ADGB: variants seen among roughly 807,000 people sequenced by gnomAD.
ADGB encodes androglobin, also known as calpain-7-like protein.
A neutral mutation model predicts 210.5 loss-of-function variants in ADGB; 172 were observed. The observed-to-expected ratio is 0.82, with a 90% CI of 0.72 to 0.93. The LOEUF is 0.93. ADGB is among the 40% of genes least tolerant of loss of function. The probability of loss-of-function intolerance (pLI) is 0.00; values close to 1 mark genes in which losing one functional copy is unlikely to be tolerated. For synonymous variants in ADGB, 658 were observed against 662.7 expected (o/e 0.99, Z 0.11); for missense variants, 2,025 against 1,964.8 (o/e 1.03, Z -0.58).
chr6:146,679,934 A>C (rs1224076286), intron 9 of ADGB, among the ~76,000 whole-genome samples: 3 of 152,180 alleles, frequency 2.0e-5, no homozygotes, highest in African/African-American at 7.2e-5. Flanking sequence ...CTATAGGGTA[A>C]GTTAGAATTT....
intron 10 of ADGB, among the ~76,000 whole-genome samples, chr6:146,689,643 A>G (rs1290678000): frequency 6.6e-6 from 1 of 152,182 alleles, no homozygotes. Context: ...CTAGTAAAGT[A>G]TCTGGAACTT....
At chr6:146,650,531 C>T (rs1173387560) in intron 3 of ADGB, among the ~76,000 whole-genome samples, 3 of 121,364 alleles carry the variant, frequency 2.5e-5, no homozygotes, top group Non-Finnish European at 4.9e-5. Context: ...AAATAATTCA[C>T]ATGTTTTTTT....
intron 2 of ADGB, among the ~76,000 whole-genome samples, chr6:146,637,715 G>A (rs1403985214): frequency 6.6e-6 from 1 of 151,922 alleles, no homozygotes; most frequent in Non-Finnish European, 1.5e-5. Flanking sequence ...CTCCTTTCTG[G>A]AATAAGACAT....
intron 1 of ADGB, among the ~76,000 whole-genome samples, chr6:146,630,669 A>T (rs1041950521): frequency 1.3e-5 from 2 of 152,202 alleles, no homozygotes; most frequent in African/African-American, 4.8e-5. Flanking sequence ...AAAAATTGGA[A>T]TCTTTTGTTT....
chr6:146,657,866 T>C (rs1164997174), intron 5 of ADGB, among the ~76,000 whole-genome samples: 1 of 152,190 alleles, frequency 6.6e-6, no homozygotes, highest in East Asian at 1.9e-4. Context: ...AATAGAATAG[T>C]AGGAAGTACA....
At chr6:146,688,181 A>C (rs1776258084) in intron 10 of ADGB, among the ~76,000 whole-genome samples, 1 of 152,120 alleles carries the variant, frequency 6.6e-6, no homozygotes, top group Non-Finnish European at 1.5e-5. Context: ...AGTGAACTGC[A>C]ATAATACAAT....
intron 3 of ADGB, among the ~76,000 whole-genome samples, chr6:146,650,693 T>C (rs1282901314): frequency 6.6e-6 from 1 of 150,950 alleles, no homozygotes; most frequent in Non-Finnish European, 1.5e-5. Context: ...GAAGCCTGTT[T>C]TGCTGAATTC....
chr6:146,664,153 A>C, intron 5 of ADGB, 48 bp from the exon 6 acceptor site: 1 of 1,474,584 alleles, frequency 6.8e-7, no homozygotes, highest in East Asian at 2.5e-5. Flanking sequence ...ACGAGAGAAA[A>C]GACTGTAAGC....
intron 1 of ADGB, among the ~76,000 whole-genome samples, chr6:146,608,889 C>T (rs1006129434): frequency 6.6e-5 from 10 of 152,074 alleles, no homozygotes; most frequent in East Asian, 1.9e-4. Context: ...CAGGTCCATT[C>T]GGTCATGTGT....
At chr6:146,615,042 A>G (rs1780775760) in intron 1 of ADGB, among the ~76,000 whole-genome samples, 1 of 150,654 alleles carries the variant, frequency 6.6e-6, no homozygotes, top group South Asian at 2.1e-4. Flanking sequence ...CTGGGACTAC[A>G]GGCGCCCACC....
At chr6:146,794,971 T>G (rs1778018417) in intron 33 of ADGB, among the ~76,000 whole-genome samples, 1 of 150,552 alleles carries the variant, frequency 6.6e-6, no homozygotes, top group Non-Finnish European at 1.5e-5. Flanking sequence ...GAAGCTTTAC[T>G]GAATCAAGGA....
intron 2 of ADGB, among the ~76,000 whole-genome samples, chr6:146,640,793 A>G (rs1433076458): frequency 6.6e-6 from 1 of 152,068 alleles, no homozygotes; most frequent in Non-Finnish European, 1.5e-5. Flanking sequence ...TGATAAACTC[A>G]TAGCCAACGT....
At chr6:146,641,645 G>A (rs190126105) in intron 2 of ADGB, among the ~76,000 whole-genome samples, 5 of 151,984 alleles carry the variant, frequency 3.3e-5, no homozygotes, top group Non-Finnish European at 5.9e-5. Flanking sequence ...ACAAAAACAA[G>A]CAATGGGGAA....
At chr6:146,613,553 G>A (rs1780742899) in intron 1 of ADGB, among the ~76,000 whole-genome samples, 1 of 152,144 alleles carries the variant, frequency 6.6e-6, no homozygotes, top group Non-Finnish European at 1.5e-5. Context: ...TAATGTTATT[G>A]TAATTTTAAC....
intron 26 of ADGB, among the ~76,000 whole-genome samples, chr6:146,747,664 A>C (rs1442263737): frequency 6.6e-6 from 1 of 152,100 alleles, no homozygotes; most frequent in African/African-American, 2.4e-5. Flanking sequence ...ATTAGGAGCA[A>C]GGGGACTCTT....
chr6:146,671,856 A>G (rs1350991465), intron 7 of ADGB, among the ~76,000 whole-genome samples: 1 of 152,176 alleles, frequency 6.6e-6, no homozygotes, highest in East Asian at 1.9e-4. Context: ...CTAATAAGAT[A>G]AGGACCTTCT....
chr6:146,654,051 C>T, intron 3 of ADGB, 84 bp from the exon 4 acceptor site: 1 of 917,332 alleles, frequency 1.1e-6, no homozygotes, highest in Non-Finnish European at 1.6e-6. Context: ...CAACTTCAGG[C>T]ATAAATGGAT....
In ADGB at chr6:146,814,900, T is replaced by G. The variant is rs569284232; in HGVS notation, c.4819-132T>G. On this transcript the variant is annotated intron_variant, in intron 35 of 35. Transcript: ENST00000397944. ...TAAGCTGTTGAGACCATACACTAATTTTCATCTTCAATCATTTTGCCTATG... is the reference window on the plus strand; with the variant it reads ...TAAGCTGTTGAGACCATACACTAATGTTCATCTTCAATCATTTTGCCTATG... 4.6e-5 allele frequency: 38 copies of G among 824,814 alleles called. No individual in the cohort carries two copies. The African/African-American group carries it at 5.8e-4, about 13-fold the overall frequency. 51.1% of individuals were successfully genotyped at this position (824,814 alleles called of 1,614,324 possible).
chr6:146,783,411 C>T (rs905175623), intron 30 of ADGB, among the ~76,000 whole-genome samples: 6 of 152,200 alleles, frequency 3.9e-5, no homozygotes, highest in Admixed American at 2.6e-4. Flanking sequence ...TAAGATTAAC[C>T]CAATCCATAG....
Sources: allele counts gnomAD v4.1 joint callset (sites outside exome capture counted in the v4.1 genomes callset), GRCh38; gene constraint gnomAD v4.1.1; transcripts MANE v1.5; gene names NCBI Gene and HGNC (gene_info 2026-07-23, HGNC 2026-07-21).